The following USH1C variants were observed in gnomAD, a reference collection of about 807,000 sequenced individuals.
USH1C encodes USH1 protein network component harmonin.
A neutral mutation model predicts 119.3 loss-of-function variants in USH1C; 90 were observed. The ratio of observed to expected loss-of-function variants is 0.75; its 90% CI spans 0.64 to 0.90. USH1C has a LOEUF of 0.90. USH1C is among the 40% of genes least tolerant of loss of function. The probability of loss-of-function intolerance (pLI) is 0.00; values close to 1 mark genes in which losing one functional copy is unlikely to be tolerated. For missense variants in USH1C, 1,165 were observed against 1,167.7 expected, an observed-to-expected ratio of 1.00 and a Z score of 0.03; for synonymous variants, 465 against 443.3, an observed-to-expected ratio of 1.05 and a Z score of -0.62.
chr11:17,505,984 T>A, intron 18 of USH1C, 35 bp from the exon 19 acceptor site: 1 of 1,613,754 alleles, frequency 6.2e-7, no homozygotes, highest in Non-Finnish European at 8.5e-7. Flanking sequence ...CCAGGTGAGG[T>A]CATGGTGGGG....
intron 26 of USH1C, chr11:17,494,848 T>C (rs557217340): frequency 3.7e-6 from 1 of 272,680 alleles, no homozygotes; most frequent in South Asian, 4.4e-5. Flanking sequence ...CTGCCAGCTC[T>C]GTCCACGGGC....
At chr11:17,538,023 A>G (rs1851298346) in intron 1 of USH1C, among the ~76,000 whole-genome samples, 1 of 152,148 alleles carries the variant, frequency 6.6e-6, no homozygotes, top group South Asian at 2.1e-4. Context: ...TCCATTACAC[A>G]TCTATTGAAC....
In USH1C at chr11:17,544,357, C is replaced by T; in HGVS notation, c.-50G>A. On this transcript the variant is annotated 5_prime_UTR_variant, in exon 1 of 27. Transcript: ENST00000005226. Reference sequence around the variant, plus strand: ...GTTGCACGACCCGTTCCTTCGGGTGCCCGGCTGCCAGGAGCTGGAAAGAGC... The same window carrying T: ...GTTGCACGACCCGTTCCTTCGGGTGTCCGGCTGCCAGGAGCTGGAAAGAGC... 6 of 1,612,800 alleles carry T rather than the reference C, an allele frequency of 3.7e-6. No homozygotes were observed. The highest frequency in any genetic ancestry group is 5.1e-6 in the Non-Finnish European group (6 of 1,179,374).
chr11:17,503,709 C>G (rs553829404), intron 20 of USH1C, among the ~76,000 whole-genome samples: 2 of 152,340 alleles, frequency 1.3e-5, no homozygotes, highest in South Asian at 4.1e-4. Context: ...GACCGACCTC[C>G]TGGATTCAAA....
chr11:17,543,240 C>T (rs1022602753), intron 1 of USH1C, among the ~76,000 whole-genome samples: 1 of 152,234 alleles, frequency 6.6e-6, no homozygotes, highest in African/African-American at 2.4e-5. Context: ...GAGTTAAGCA[C>T]CCTGACCTGC....
At chr11:17,527,390 G>C (rs1184465648) in intron 4 of USH1C, 59 bp from the exon 5 acceptor site, 4 of 1,319,226 alleles carry the variant, frequency 3.0e-6, no homozygotes, top group Non-Finnish European at 4.3e-6. Context: ...CAGTGGGGCA[G>C]ACTCACCACC....
At chr11:17,533,916 C>A (rs1221071027) in intron 1 of USH1C, 3 of 334,144 alleles carry the variant, frequency 9.0e-6, no homozygotes, top group African/African-American at 2.1e-5. Context: ...CTCCTTCCCC[C>A]TCCCCAGGCC....
intron 14 of USH1C, chr11:17,517,590 G>T: frequency 1.0e-6 from 1 of 1,002,168 alleles, no homozygotes; most frequent in Non-Finnish European, 1.5e-6. Context: ...CATGGGAGCT[G>T]TGAGGTCAGG....
At chr11:17,500,886 A>C (rs1849409969) in intron 23 of USH1C, among the ~76,000 whole-genome samples, 165 bp downstream of exon 23, 1 of 152,092 alleles carries the variant, frequency 6.6e-6, no homozygotes, top group Admixed American at 6.5e-5. Flanking sequence ...GCGCCATCCC[A>C]TGCCCCCAGG....
chr11:17,501,616 C>A, intron 21 of USH1C, 81 bp from the exon 22 acceptor site: 1 of 1,470,092 alleles, frequency 6.8e-7, no homozygotes, highest in African/African-American at 1.4e-5. Flanking sequence ...GGAATCCAGG[C>A]ACCTATGGGA....
intron 14 of USH1C, among the ~76,000 whole-genome samples, chr11:17,518,555 G>A (rs1298895078): frequency 1.3e-5 from 2 of 152,206 alleles, no homozygotes; most frequent in East Asian, 1.9e-4. Context: ...TGGCCTTCAG[G>A]GCTTGGCAAA....
At chr11:17,528,443 G>GTTTT (rs1432069453) in intron 4 of USH1C, among the ~76,000 whole-genome samples, 1 of 152,258 alleles carries the variant, frequency 6.6e-6, no homozygotes, top group African/African-American at 2.4e-5. Flanking sequence ...AGGAAGTGAG[G>GTTTT]TTTTGTCCAA....
chr11:17,524,869 G>A (rs1443027259), intron 8 of USH1C, among the ~76,000 whole-genome samples: 1 of 151,144 alleles, frequency 6.6e-6, no homozygotes, highest in African/African-American at 2.5e-5. Flanking sequence ...ATTTTTTAGA[G>A]ACAGGGTCTT....
intron 12 of USH1C, among the ~76,000 whole-genome samples, chr11:17,522,204 T>C (rs909941555): frequency 1.3e-5 from 2 of 152,218 alleles, no homozygotes; most frequent in South Asian, 2.1e-4. Context: ...TATGAATTGC[T>C]CACCCCATTT....
intron 14 of USH1C, 55 bp from the exon 15 acceptor site, chr11:17,516,345 C>T (rs1036012594): frequency 1.9e-6 from 3 of 1,565,676 alleles, no homozygotes; most frequent in African/African-American, 2.7e-5. Context: ...GCCAGAGCAT[C>T]CATGGGCAGC....
rs758580540 is a variant in USH1C, at chr11:17,509,708, GGATAGTA to G, written c.1654_1660del (p.Tyr552ProfsTer10). On this transcript the variant is annotated frameshift_variant, in exon 18 of 27. Transcript: ENST00000005226. LOFTEE classifies it high-confidence loss of function. ...AGGCAAGGCAGAGGGAGTCTTGGGG[GGATAGTA>G]GAACATGTCCAAAGGGATGTCGTCC... The G allele has an allele frequency of 1.6e-5, 25 of 1,600,506 alleles. No individual in the cohort carries two copies. Among genetic ancestry groups the G allele is most frequent in the Non-Finnish European group, 2.0e-5 (24 of 1,179,422 alleles).
chr11:17,526,516 C>T, intron 7 of USH1C, 75 bp from the exon 8 acceptor site: 2 of 1,362,772 alleles, frequency 1.5e-6, no homozygotes, highest in Non-Finnish European at 1.0e-6. Flanking sequence ...GTGGGATCTG[C>T]AGGGCGAGCA....
Position 17,519,086 on chromosome 11 carries a change from T to C in USH1C, c.1210+1784A>G, listed in dbSNP as rs556622832. Among the ~76,000 whole-genome samples the C allele has an allele frequency of 4.2e-5, 6 of 143,104 alleles. No individual in the cohort carries two copies. In the East Asian group the frequency reaches 9.8e-4, roughly 23 times the overall value. 93.9% of individuals were successfully genotyped at this position (143,104 alleles called of 152,430 possible). On this transcript the variant is annotated intron_variant, in intron 14 of 26. Transcript: ENST00000005226. ...AGAAGCCTGAGTCAGGTATAACCTA[T>C]TGCAAACTGGGTGCTGAGTTGAAGG...
At chr11:17,526,250 A>C in intron 8 of USH1C, 97 bp downstream of exon 8, 10 of 1,029,312 alleles carry the variant, frequency 9.7e-6, no homozygotes, top group Middle Eastern at 2.4e-4. Flanking sequence ...CTGGTGGGCA[A>C]GGTTTCCTCG....
Sources: gnomAD v4.1 joint callset for allele counts (sites outside exome capture counted in the v4.1 genomes callset) on GRCh38, gnomAD v4.1.1 for gene constraint, MANE v1.5 for transcripts, NCBI Gene and HGNC (gene_info 2026-07-23, HGNC 2026-07-21) for gene names.